The following ABTB3 variants were observed in gnomAD, a reference collection of about 807,000 sequenced individuals.
ABTB3 encodes the protein ankyrin repeat- and BTB/POZ domain-containing protein 3.
At chr12:107,544,359 T>C in the ABTB3 span, among the ~76,000 whole-genome samples, 159 of 152,238 alleles carry the variant, frequency 1.0e-3, no homozygotes, top group Middle Eastern at 3.4e-3. Flanking sequence ...AGGATAAAAC[T>C]GGCCTATGTC....
chr12:107,550,509 AT>A, the ABTB3 span, among the ~76,000 whole-genome samples: 5 of 148,654 alleles, frequency 3.4e-5, no homozygotes, highest in Non-Finnish European at 6.0e-5. Context: ...AAAAAAAAAA[AT>A]GAAAAACAAC....
At chr12:107,494,915 G>A in the ABTB3 span, among the ~76,000 whole-genome samples, 12 of 152,200 alleles carry the variant, frequency 7.9e-5, no homozygotes, top group East Asian at 2.3e-3. Context: ...TCCCCCTGGA[G>A]CCTGCAAAAC....
the ABTB3 span, among the ~76,000 whole-genome samples, chr12:107,646,843 TG>T: frequency 2.0e-5 from 3 of 151,776 alleles, no homozygotes; most frequent in Admixed American, 1.3e-4. Flanking sequence ...TGACCTGTGG[TG>T]GGGTGGAGAT....
the ABTB3 span, among the ~76,000 whole-genome samples, chr12:107,499,454 G>T: frequency 7.9e-5 from 12 of 151,982 alleles, no homozygotes; most frequent in Non-Finnish European, 1.5e-5. Context: ...GGAGCTCCCT[G>T]AACAAAGGCT....
At chr12:107,318,660 G>T in the ABTB3 span, 3 of 433,708 alleles carry the variant, frequency 6.9e-6, no homozygotes, top group African/African-American at 6.1e-5. Context: ...GGAAGAAAGG[G>T]GCAAGCCCCG....
the ABTB3 span, among the ~76,000 whole-genome samples, chr12:107,436,027 T>C: frequency 1.3e-5 from 2 of 152,240 alleles, no homozygotes; most frequent in South Asian, 4.1e-4. Flanking sequence ...ACTGCAGCTA[T>C]ACACCATTTT....
the ABTB3 span, among the ~76,000 whole-genome samples, chr12:107,536,195 G>A: frequency 6.6e-6 from 1 of 152,198 alleles, no homozygotes; most frequent in East Asian, 1.9e-4. Context: ...ATATCCAGAA[G>A]AATGAAACCA....
At chr12:107,433,037 G>A in the ABTB3 span, among the ~76,000 whole-genome samples, 2 of 152,054 alleles carry the variant, frequency 1.3e-5, no homozygotes, top group African/African-American at 4.8e-5. Flanking sequence ...TGTAATCCCA[G>A]CACTTTGGGA....
the ABTB3 span, among the ~76,000 whole-genome samples, chr12:107,606,130 T>A: frequency 6.6e-6 from 1 of 152,110 alleles, no homozygotes. Flanking sequence ...GAGGGCAGGA[T>A]GGGGGGTCAG....
At chr12:107,615,486 A>G in the ABTB3 span, among the ~76,000 whole-genome samples, 1 of 152,222 alleles carries the variant, frequency 6.6e-6, no homozygotes, top group Non-Finnish European at 1.5e-5. Context: ...CAACATGAAC[A>G]TGAGATTTGG....
the ABTB3 span, among the ~76,000 whole-genome samples, chr12:107,353,508 T>C: frequency 2.0e-5 from 3 of 152,220 alleles, no homozygotes; most frequent in Non-Finnish European, 2.9e-5. Flanking sequence ...TTAACATCTC[T>C]GAACCTCAGT....
chr12:107,373,345 T>C, the ABTB3 span, among the ~76,000 whole-genome samples: 2 of 152,110 alleles, frequency 1.3e-5, no homozygotes, highest in Admixed American at 6.5e-5. Context: ...TAGGAAAATA[T>C]ATGAGAAGAT....
At chr12:107,574,742 A>C in the ABTB3 span, among the ~76,000 whole-genome samples, 1 of 152,188 alleles carries the variant, frequency 6.6e-6, no homozygotes, top group African/African-American at 2.4e-5. Context: ...GAAAGAAAGA[A>C]ATGCAGAATC....
the ABTB3 span, chr12:107,618,376 T>C: frequency 1.2e-6 from 2 of 1,610,656 alleles, no homozygotes; most frequent in South Asian, 1.1e-5. Flanking sequence ...ATCAGGAGCA[T>C]AGGTCAGTCT....
At chr12:107,642,126 T>C in the ABTB3 span, 298,706 of 1,613,320 alleles carry the variant, frequency 0.19, 29,969 homozygotes, top group African/African-American at 0.34. Context: ...CGACAAATGA[T>C]GGCACCTGCA....
chr12:107,353,785 A>T, the ABTB3 span, among the ~76,000 whole-genome samples: 1 of 152,134 alleles, frequency 6.6e-6, no homozygotes, highest in Non-Finnish European at 1.5e-5. Flanking sequence ...GGTGAACCCT[A>T]TTGTGAACTG....
chr12:107,411,951 C>A, the ABTB3 span, among the ~76,000 whole-genome samples: 14 of 152,152 alleles, frequency 9.2e-5, no homozygotes, highest in Non-Finnish European at 1.5e-4. Context: ...GGCACCAGAG[C>A]CATAGAACAG....
chr12:107,549,138 C>T, the ABTB3 span, among the ~76,000 whole-genome samples: 2 of 152,204 alleles, frequency 1.3e-5, no homozygotes, highest in Admixed American at 1.3e-4. Flanking sequence ...CAACTATAAA[C>T]ATGAGTATAC....
the ABTB3 span, among the ~76,000 whole-genome samples, chr12:107,643,134 G>T: frequency 6.6e-6 from 1 of 152,082 alleles, no homozygotes; most frequent in Admixed American, 6.5e-5. Context: ...TTTATAGAAT[G>T]CCTGTAATCC....
Sources: allele counts gnomAD v4.1 joint callset (sites outside exome capture counted in the v4.1 genomes callset), GRCh38; gene constraint gnomAD v4.1.1; transcripts MANE v1.5; gene names NCBI Gene and HGNC (gene_info 2026-07-23, HGNC 2026-07-21).